Variants in MYO7A observed in about 807,000 individuals in gnomAD.
The protein encoded by MYO7A is myosin VIIA.
In MYO7A, 210 loss-of-function variants were observed where a neutral mutation model predicts 263.8. That is an observed-to-expected ratio of 0.80 (90% CI 0.71 to 0.89). The LOEUF (loss-of-function observed/expected upper bound fraction) is 0.89. Ranked by LOEUF, MYO7A falls within the 40% of genes least tolerant of loss-of-function variation. The pLI is 0.00. For synonymous variants in MYO7A, 1,239 were observed against 1,197.3 expected (o/e 1.03, Z -0.72); for missense variants, 2,820 against 2,968.3 (o/e 0.95, Z 1.16).
intron 16 of MYO7A, among the ~76,000 whole-genome samples, chr11:77,173,129 G>A (rs901936900): frequency 2.0e-5 from 3 of 152,186 alleles, no homozygotes; most frequent in Admixed American, 1.3e-4. Flanking sequence ...TGTACAAGTG[G>A]GCGACTGCAG....
intron 17 of MYO7A, 137 bp downstream of exon 17, chr11:77,175,051 G>A: frequency 1.7e-6 from 2 of 1,146,506 alleles, no homozygotes; most frequent in Non-Finnish European, 2.4e-6. Context: ...GAAAATTGGG[G>A]TTCAGGTATT....
intron 4 of MYO7A, among the ~76,000 whole-genome samples, chr11:77,151,639 A>G (rs1216770152): frequency 1.3e-5 from 2 of 152,198 alleles, no homozygotes; most frequent in Admixed American, 6.5e-5. Flanking sequence ...CTGTGACTCC[A>G]CAGGGCAGAT....
At chr11:77,205,135 A>G (rs1957355783) in intron 39 of MYO7A, among the ~76,000 whole-genome samples, 1 of 152,234 alleles carries the variant, frequency 6.6e-6, no homozygotes, top group Non-Finnish European at 1.5e-5. Flanking sequence ...ATGGAAACAA[A>G]CAAAAAGCCT....
chr11:77,211,277 G>T lies in MYO7A; in HGVS notation c.6177G>T (p.Leu2059=). 6.3e-7 allele frequency: 1 copy of T among 1,580,542 alleles called. No individual in the cohort carries two copies. The highest frequency in any genetic ancestry group is 8.6e-7 in the Non-Finnish European group (1 of 1,163,420). Reference sequence around the variant, plus strand: ...CCTACTTCCCCAGCATCCCCAAGCTGCTGCGGGAGCTGGTGCCCCAGGACC... The same window carrying T: ...CCTACTTCCCCAGCATCCCCAAGCTTCTGCGGGAGCTGGTGCCCCAGGACC... The part of the protein sequence containing the change: ...DKSYFPSIPK[L]LRELVPQDLI... The change falls in exon 45 of 49, where the codon CTG becomes CTT. Residue 2059 remains leucine, a synonymous_variant. Transcript: ENST00000409709.
intron 47 of MYO7A, 138 bp from the exon 48 acceptor site, chr11:77,213,722 C>A: frequency 8.0e-7 from 1 of 1,246,950 alleles, no homozygotes; most frequent in Non-Finnish European, 1.1e-6. Context: ...CTTCCCACCG[C>A]AGCTGGATGG....
intron 14 of MYO7A, among the ~76,000 whole-genome samples, chr11:77,164,350 A>G (rs1953330345): frequency 6.6e-6 from 1 of 152,024 alleles, no homozygotes; most frequent in South Asian, 2.1e-4. Flanking sequence ...TCCCATGCAT[A>G]GTCAAAGGCC....
chr11:77,153,104 C>T (rs1952117096), intron 4 of MYO7A, among the ~76,000 whole-genome samples: 1 of 152,022 alleles, frequency 6.6e-6, no homozygotes, highest in South Asian at 2.1e-4. Flanking sequence ...TTTTTAAAAG[C>T]CTGCATGGCT....
At chr11:77,143,757 G>A (rs562721962) in intron 3 of MYO7A, among the ~76,000 whole-genome samples, 2 of 152,214 alleles carry the variant, frequency 1.3e-5, no homozygotes, top group Admixed American at 6.5e-5. Context: ...ATTGGACTGA[G>A]TCCCTCTTAG....
chr11:77,156,146 TG>T, intron 5 of MYO7A, 55 bp downstream of exon 5: 1 of 1,577,806 alleles, frequency 6.3e-7, no homozygotes, highest in Non-Finnish European at 8.6e-7. Context: ...GAGCTCCAAC[TG>T]TGCGCTCCTG....
intron 3 of MYO7A, 25 bp from the exon 4 acceptor site, chr11:77,147,773 A>G (rs1555054523): frequency 6.2e-7 from 1 of 1,604,828 alleles, no homozygotes; most frequent in Non-Finnish European, 8.5e-7. Flanking sequence ...CCAGGAGAGC[A>G]CGCTGACGTT....
Position 77,202,407 on chromosome 11 carries a change from T to C in MYO7A, c.5151T>C (p.Phe1717=), listed in dbSNP as rs1179508791. ...CCAAGCCCTACACGCTGGAGGAGTT[T>C]TCCTATGACTACTTCAGGTGATGCC... ...VRAKPYTLEE[F]SYDYFRPPPK... Residue 1717 remains phenylalanine (F), a synonymous_variant, in exon 37 of 49, where the codon TTT becomes TTC. Coordinates refer to ENST00000409709, the MANE Select transcript of MYO7A (RefSeq NM_000260.4). The C allele has an allele frequency of 5.8e-6, 9 of 1,552,712 alleles. No individual in the cohort carries two copies. In the East Asian group the frequency reaches 1.7e-4, roughly 29 times the overall value.
At chr11:77,174,623 G>C (rs1456228451) in intron 16 of MYO7A, 133 bp from the exon 17 acceptor site, 2 of 878,458 alleles carry the variant, frequency 2.3e-6, no homozygotes, top group Non-Finnish European at 1.7e-6. Context: ...CCCGGTGCCT[G>C]TCCCAGCTTT....
Position 77,211,166 on chromosome 11 carries a change from T to C in MYO7A, c.6066T>C (p.Tyr2022=), listed in dbSNP as rs1164722569. ...IFHYYQELPK[Y]LRGYHKCTRE... is the part of the protein sequence containing the mutation. ...GTCTCTGACAGGAGTTGCCCAAGTATCTCCGAGGCTACCACAAGTGCACGC... is the reference window on the plus strand; with the variant it reads ...GTCTCTGACAGGAGTTGCCCAAGTACCTCCGAGGCTACCACAAGTGCACGC... The change falls in exon 45 of 49, where the codon TAT becomes TAC. Residue 2022 remains tyrosine (Y), a synonymous_variant. Coordinates refer to ENST00000409709, the MANE Select transcript of MYO7A (RefSeq NM_000260.4). 6.3e-7 allele frequency: 1 copy of C among 1,582,492 alleles called. No homozygotes were observed. Among genetic ancestry groups the C allele is most frequent in the Admixed American group, 1.8e-5 (1 of 55,742 alleles).
rs141821004 is a variant in MYO7A, at chr11:77,186,588, A to G, written c.3503+1873A>G. Among the ~76,000 whole-genome samples, 107 of 152,352 alleles carry G rather than the reference A, an allele frequency of 7.0e-4. 1 individual carries two copies. Among genetic ancestry groups the G allele is most frequent in the South Asian group, 2.5e-3 (12 of 4,832 alleles). On this transcript the variant is annotated intron_variant, in intron 27 of 48. Transcript: ENST00000409709. Reference sequence around the variant, plus strand: ...CATGAGGCGATCTCTGTGAGCCTCCAACTTACCTTCTGCAACTTCCTTACC... The same window carrying G: ...CATGAGGCGATCTCTGTGAGCCTCCGACTTACCTTCTGCAACTTCCTTACC...
intron 31 of MYO7A, among the ~76,000 whole-genome samples, chr11:77,192,919 AGTGATGGT>A (rs768870262): frequency 0.055 from 239 of 4,378 alleles, 21 homozygotes; most frequent in Middle Eastern, 0.25. Flanking sequence ...GGTGGAGGGT[AGTGATGGT>A]GTTGTTTGTG....
chr11:77,198,720 T>C, intron 34 of MYO7A, 99 bp downstream of exon 34: 2 of 1,542,026 alleles, frequency 1.3e-6, no homozygotes, highest in Non-Finnish European at 1.8e-6. Flanking sequence ...TGAAGTGGCC[T>C]GCCTGGTTGC....
Position 77,157,316 on chromosome 11 carries a change from T to G in MYO7A, c.773T>G (p.Met258Arg). ...DERNYHVFYC[M>R]LEGMSEDQKK... Reference sequence around the variant, plus strand: ...AGGAACTACCACGTGTTCTACTGCATGCTGGAGGGTATGAGTGAGGATCAG... The same window carrying G: ...AGGAACTACCACGTGTTCTACTGCAGGCTGGAGGGTATGAGTGAGGATCAG... Residue 258 changes from methionine to arginine, a missense_variant, in exon 8 of 49, where the codon ATG (methionine) becomes AGG (arginine). Physicochemically the swap from Met to Arg is moderately conservative, Grantham distance 91 (BLOSUM62 -1). Transcript: ENST00000409709. The G allele has an allele frequency of 6.2e-7, 1 of 1,612,562 alleles. No homozygotes were observed. The highest frequency in any genetic ancestry group is 8.5e-7 in the Non-Finnish European group (1 of 1,179,346).
chr11:77,198,541 G>C lies in MYO7A; in HGVS notation c.4488G>C (p.Thr1496=). The C allele has an allele frequency of 6.2e-7, 1 of 1,613,954 alleles. No individual in the cohort carries two copies. Among genetic ancestry groups the C allele is most frequent in the Non-Finnish European group, 8.5e-7 (1 of 1,179,904 alleles). ...ACGTCATCGTGGCCGTCAACTGGAC[G>C]GGTGTGTACTTTGTGGATGAGCAGG... is the stretch of plus-strand genomic sequence containing the variant. ...KNDVIVAVNW[T]GVYFVDEQEQ... is the part of the protein sequence containing the mutation. The change falls in exon 34 of 49, where the codon ACG becomes ACC. Residue 1496 remains threonine (T), a synonymous_variant. Coordinates refer to ENST00000409709, the MANE Select transcript of MYO7A (RefSeq NM_000260.4).
At chr11:77,168,722 C>T (rs1236394698) in intron 15 of MYO7A, among the ~76,000 whole-genome samples, 9 of 152,116 alleles carry the variant, frequency 5.9e-5, no homozygotes, top group African/African-American at 2.2e-4. Flanking sequence ...TTCCTTGAGC[C>T]CAGGAGTTGG....
Sources: gnomAD v4.1 joint callset for allele counts (sites outside exome capture counted in the v4.1 genomes callset) on GRCh38, gnomAD v4.1.1 for gene constraint, MANE v1.5 for transcripts, NCBI Gene and HGNC (gene_info 2026-07-23, HGNC 2026-07-21) for gene names.